PLXDC2: variants seen among roughly 807,000 people sequenced by gnomAD.
The protein encoded by PLXDC2 is plexin domain-containing protein 2.
In PLXDC2, 40 loss-of-function variants were observed where a neutral mutation model predicts 68.9. The ratio of observed to expected loss-of-function variants is 0.58; its 90% CI spans 0.45 to 0.76. The LOEUF (loss-of-function observed/expected upper bound fraction) is 0.76. PLXDC2 is among the 30% of genes least tolerant of loss of function. PLXDC2 has a pLI of 0.00. For synonymous variants in PLXDC2, 243 were observed against 234.2 expected (o/e 1.04, Z -0.34); for missense variants, 644 against 661.9 (o/e 0.97, Z 0.30).
At chr10:20,091,512 C>T (rs1833275913) in intron 4 of PLXDC2, among the ~76,000 whole-genome samples, 1 of 152,166 alleles carries the variant, frequency 6.6e-6, no homozygotes, top group South Asian at 2.1e-4. Flanking sequence ...AACTTTTCTT[C>T]ACATAAGAGA....
intron 10 of PLXDC2, among the ~76,000 whole-genome samples, chr10:20,213,461 A>G (rs1028764305): frequency 2.0e-5 from 3 of 152,102 alleles, no homozygotes; most frequent in African/African-American, 7.2e-5. Flanking sequence ...TATACAGGAC[A>G]AATCTCCTTA....
intron 1 of PLXDC2, among the ~76,000 whole-genome samples, chr10:19,844,155 AT>A (rs1836957571): frequency 6.6e-6 from 1 of 152,218 alleles, no homozygotes; most frequent in South Asian, 2.1e-4. Context: ...CTCAACGTCA[AT>A]TACCTCAATT....
chr10:20,253,800 T>A (rs909598183), intron 13 of PLXDC2, among the ~76,000 whole-genome samples: 2 of 152,246 alleles, frequency 1.3e-5, no homozygotes, highest in Non-Finnish European at 2.9e-5. Flanking sequence ...ATATAAAAAA[T>A]GATTCCACAC....
intron 4 of PLXDC2, among the ~76,000 whole-genome samples, chr10:20,131,453 G>A (rs925772314): frequency 6.6e-6 from 1 of 152,012 alleles, no homozygotes; most frequent in Non-Finnish European, 1.5e-5. Flanking sequence ...AGGCTGGAGT[G>A]CAATGGTGCA....
intron 1 of PLXDC2, among the ~76,000 whole-genome samples, chr10:19,864,186 G>A (rs563738033): frequency 6.6e-6 from 1 of 152,094 alleles, no homozygotes; most frequent in East Asian, 1.9e-4. Flanking sequence ...TAATTTTTTT[G>A]TAGAGATAGG....
intron 1 of PLXDC2, among the ~76,000 whole-genome samples, chr10:19,864,912 A>G (rs1277610835): frequency 6.6e-6 from 1 of 152,146 alleles, no homozygotes; most frequent in African/African-American, 2.4e-5. Context: ...TTGGGAGGGT[A>G]AGTGAGAGTT....
intron 1 of PLXDC2, among the ~76,000 whole-genome samples, chr10:19,849,828 G>T (rs943129725): frequency 6.6e-6 from 1 of 151,998 alleles, no homozygotes; most frequent in African/African-American, 2.4e-5. Context: ...GAAGTTAAAG[G>T]ACTATAAAAA....
intron 1 of PLXDC2, among the ~76,000 whole-genome samples, chr10:19,868,964 T>G (rs189439696): frequency 6.6e-6 from 1 of 152,314 alleles, no homozygotes; most frequent in African/African-American, 2.4e-5. Flanking sequence ...TCGGTGATAA[T>G]TTTTTTGTTA....
At chr10:20,208,274 G>A (rs1350997309) in intron 9 of PLXDC2, among the ~76,000 whole-genome samples, 1 of 152,126 alleles carries the variant, frequency 6.6e-6, no homozygotes, top group Non-Finnish European at 1.5e-5. Flanking sequence ...GGCTAGGGAG[G>A]CCTCACAATC....
intron 1 of PLXDC2, among the ~76,000 whole-genome samples, chr10:19,995,928 A>G (rs1307048659): frequency 6.6e-6 from 1 of 152,220 alleles, no homozygotes; most frequent in Non-Finnish European, 1.5e-5. Context: ...AACTATATTC[A>G]TTGTAGGTAA....
At chr10:20,139,462 C>T (rs879412630) in intron 4 of PLXDC2, among the ~76,000 whole-genome samples, 3 of 152,184 alleles carry the variant, frequency 2.0e-5, no homozygotes, top group Admixed American at 1.3e-4. Context: ...GTATGATTAG[C>T]TCTTCAAATG....
chr10:20,108,593 G>A lies in PLXDC2; in HGVS notation c.542-34702G>A, dbSNP rs1253945946. On this transcript the variant is annotated intron_variant, in intron 4 of 13. Coordinates refer to ENST00000377252, the MANE Select transcript of PLXDC2 (RefSeq NM_032812.9). ...GTGGATAAGGTAAAATCATATAATGGCAGAAAAGGACTCATAACACTTCGC... is the reference window on the plus strand; with the variant it reads ...GTGGATAAGGTAAAATCATATAATGACAGAAAAGGACTCATAACACTTCGC... Among the ~76,000 whole-genome samples the A allele has an allele frequency of 3.9e-5, 6 of 152,126 alleles. No homozygotes were observed. The South Asian group carries it at 1.2e-3, about 32-fold the overall frequency.
At chr10:19,967,939 T>G (rs1222269950) in intron 1 of PLXDC2, among the ~76,000 whole-genome samples, 2 of 152,174 alleles carry the variant, frequency 1.3e-5, no homozygotes, top group African/African-American at 4.8e-5. Context: ...TCAACTAAAA[T>G]TATGAAGAAA....
At chr10:20,228,670 CAGGA>C (rs139611942) in intron 12 of PLXDC2, among the ~76,000 whole-genome samples, 32 of 149,076 alleles carry the variant, frequency 2.1e-4, no homozygotes, top group Non-Finnish European at 3.6e-4. Flanking sequence ...AAGAAGGAAG[CAGGA>C]AGGAAGGAAG....
At chr10:19,935,435 C>T (rs1833706987) in intron 1 of PLXDC2, among the ~76,000 whole-genome samples, 1 of 152,188 alleles carries the variant, frequency 6.6e-6, no homozygotes, top group African/African-American at 2.4e-5. Flanking sequence ...TCCAGCTCCT[C>T]ACCTTTCATC....
intron 1 of PLXDC2, among the ~76,000 whole-genome samples, chr10:19,861,867 A>G (rs1283254412): frequency 1.3e-5 from 2 of 152,142 alleles, no homozygotes; most frequent in Admixed American, 1.3e-4. Flanking sequence ...TTCCTTAGTA[A>G]CCTGCAGCTA....
At chr10:19,979,149 TG>T (rs1834506587) in intron 1 of PLXDC2, among the ~76,000 whole-genome samples, 1 of 152,156 alleles carries the variant, frequency 6.6e-6, no homozygotes, top group Non-Finnish European at 1.5e-5. Flanking sequence ...TCATTTGCTA[TG>T]GGACCTTTTT....
intron 1 of PLXDC2, among the ~76,000 whole-genome samples, chr10:19,848,333 A>T (rs954355319): frequency 6.6e-6 from 1 of 152,054 alleles, no homozygotes. Context: ...CTGTTTCTGC[A>T]GTTTGGTGGT....
intron 12 of PLXDC2, among the ~76,000 whole-genome samples, chr10:20,235,786 CT>C (rs1835424578): frequency 6.6e-6 from 1 of 152,212 alleles, no homozygotes; most frequent in African/African-American, 2.4e-5. Flanking sequence ...TCCTTATAAT[CT>C]CAGGTTATGC....
Sources: gnomAD v4.1 joint callset for allele counts (sites outside exome capture counted in the v4.1 genomes callset) on GRCh38, gnomAD v4.1.1 for gene constraint, MANE v1.5 for transcripts, NCBI Gene and HGNC (gene_info 2026-07-23, HGNC 2026-07-21) for gene names.